The following CFAP99 variants were observed in gnomAD, a reference collection of about 807,000 sequenced individuals.
CFAP99 encodes the protein cilia- and flagella-associated protein 99.
Under a neutral mutation model 82.7 loss-of-function variants are expected in CFAP99, and 84 were observed. The observed-to-expected ratio is 1.02, with a 90% confidence interval of 0.85 to 1.22. CFAP99 has a LOEUF of 1.22. Ranked by LOEUF, CFAP99 falls within the 50% of genes most tolerant of loss-of-function variation. The pLI is 0.00. For missense variants in CFAP99, 1,059 were observed against 983.5 expected, an observed-to-expected ratio of 1.08 and a Z score of -1.03; for synonymous variants, 456 against 429.5, an observed-to-expected ratio of 1.06 and a Z score of -0.76.
rs1734171721 is a variant in CFAP99 at position 2,446,598 on chromosome 4, G to A, written c.642+1290G>A. ...AGTAGAGGTAGGGTTTTGTCATGTT[G>A]GCCGGGCTGGTCCCTAACTGACCTC... is the stretch of plus-strand genomic sequence containing the variant. On this transcript the variant is annotated intron_variant, in intron 6 of 14. Coordinates refer to ENST00000635017, the Ensembl canonical transcript of CFAP99. The surrounding 1 kb of genome is among the most constrained non-coding windows in gnomAD (Gnocchi z 5.0). Among the ~76,000 whole-genome samples, 1 of 152,004 alleles carries A rather than the reference G, an allele frequency of 6.6e-6. No individual in the cohort carries two copies. Among genetic ancestry groups the A allele is most frequent in the Non-Finnish European group, 1.5e-5 (1 of 67,996 alleles).
chr4:2,441,660 A>G (rs1734043958), intron 4 of CFAP99, among the ~76,000 whole-genome samples: 1 of 152,220 alleles, frequency 6.6e-6, no homozygotes, highest in African/African-American at 2.4e-5. Context: ...TAAATCCCCA[A>G]GGGAACTGCC....
In CFAP99 at chr4:2,462,429, G is replaced by C. The variant is rs1476737225; in HGVS notation, c.1662-14G>C. 1 of 1,420,560 alleles carries C rather than the reference G, an allele frequency of 7.0e-7. No homozygotes were observed. The highest frequency in any genetic ancestry group is 3.0e-5 in the East Asian group (1 of 33,268). The allele number at this position is 1,420,560 out of a possible 1,614,324, so 88.0% of individuals were successfully genotyped here. On this transcript the variant is annotated splice_polypyrimidine_tract_variant and intron_variant, in intron 14 of 14. Coordinates refer to ENST00000635017, the Ensembl canonical transcript of CFAP99. The surrounding 1 kb of genome is among the most constrained non-coding windows in gnomAD (Gnocchi z 4.1). ...CCGCCGGCCTGCTCCTGAGCCCGCCGCGTCGCCCGCCAGGTGGGAGGAAAA... is the reference window on the plus strand; with the variant it reads ...CCGCCGGCCTGCTCCTGAGCCCGCCCCGTCGCCCGCCAGGTGGGAGGAAAA...
At chr4:2,455,822 G>C (rs1018744268) in intron 11 of CFAP99, among the ~76,000 whole-genome samples, 2 of 152,168 alleles carry the variant, frequency 1.3e-5, no homozygotes, top group African/African-American at 4.8e-5. Context: ...AACTAGATTA[G>C]GTGGCACTAA....
At chr4:2,452,027 C>T (rs1734313841) in intron 10 of CFAP99, 115 bp from the exon 11 acceptor site, 2 of 1,052,512 alleles carry the variant, frequency 1.9e-6, no homozygotes, top group Admixed American at 4.1e-5. Flanking sequence ...AGCTGGGTGT[C>T]AGGAGTAGCA....
chr4:2,459,007 G>A, intron 12 of CFAP99, 100 bp from the exon 13 acceptor site: 1 of 1,446,924 alleles, frequency 6.9e-7, no homozygotes, highest in Non-Finnish European at 9.1e-7. Context: ...GCCGCACTGA[G>A]GCCAGAGTCC....
At chr4:2,447,308 G>A (rs1188056847) in intron 6 of CFAP99, among the ~76,000 whole-genome samples, 1 of 151,482 alleles carries the variant, frequency 6.6e-6, no homozygotes. Context: ...GTGAATGAAT[G>A]GATGGATGGA....
At chr4:2,461,978 T>TA (rs142450325) in intron 14 of CFAP99, among the ~76,000 whole-genome samples, 12,578 of 151,322 alleles carry the variant, frequency 0.083, 1,036 homozygotes, top group African/African-American at 0.21. Context: ...AATACTTTTT[T>TA]AAAAAAATGT....
At chr4:2,437,098 G>T in intron 3 of CFAP99, 80 bp downstream of exon 3, 1 of 1,495,526 alleles carries the variant, frequency 6.7e-7, no homozygotes, top group Non-Finnish European at 9.0e-7. Flanking sequence ...TGGCAGGCAG[G>T]CAGCGGGCAG....
rs1042919279 is a variant in CFAP99 at position 2,458,735 on chromosome 4, A to T, written c.1174A>T (p.Met392Leu). ...GCTGTCTGGGCAGATGGCCAAGCTG[A>T]TGCTGCAGCGTGCAGAGAGACGGCT... is the stretch of plus-strand genomic sequence containing the variant. Residue 392 changes from methionine (M) to leucine (L), a missense_variant, in exon 12 of 15, where the codon ATG becomes TTG. Met to Leu is a conservative substitution (Grantham distance 15). Coordinates refer to ENST00000635017, the Ensembl canonical transcript of CFAP99. The T allele has an allele frequency of 2.6e-6, 4 of 1,534,562 alleles. No homozygotes were observed. In the African/African-American group the frequency reaches 4.1e-5, roughly 16 times the overall value.
chr4:2,426,957 G>A (rs1578463144), intron 2 of CFAP99: 1 of 262,772 alleles, frequency 3.8e-6, no homozygotes, highest in African/African-American at 2.2e-5. Flanking sequence ...CCCCAGGGCT[G>A]TGGCAGTGAG....
chr4:2,436,514 G>C (rs1388326280), intron 2 of CFAP99, among the ~76,000 whole-genome samples: 2 of 152,194 alleles, frequency 1.3e-5, no homozygotes, highest in Non-Finnish European at 2.9e-5. Context: ...CTGAAGCTCT[G>C]TCTGCATTAG....
intron 2 of CFAP99, chr4:2,429,226 G>A (rs1733749124): frequency 6.6e-6 from 1 of 152,256 alleles, no homozygotes. Flanking sequence ...GGCAGGGAAA[G>A]GGGTGTGTGT....
intron 4 of CFAP99, among the ~76,000 whole-genome samples, chr4:2,438,411 CG>C (rs1195043560): frequency 1.3e-5 from 2 of 152,170 alleles, no homozygotes; most frequent in East Asian, 3.9e-4. Context: ...TACAGGCGCC[CG>C]CCACCACACC....
Position 2,462,319 on chromosome 4 carries a change from A to G in CFAP99, c.1662-124A>G. 1 of 993,776 alleles carries G rather than the reference A, an allele frequency of 1.0e-6. No homozygotes were observed. The highest frequency in any genetic ancestry group is 1.4e-6 in the Non-Finnish European group (1 of 734,444). The allele number at this position is 993,776 out of a possible 1,614,324, so 61.6% of individuals were successfully genotyped here. A position where few individuals can be genotyped will look rare whatever the true frequency, so the allele number is the denominator to read the frequency against. ...TGGGCCTCGCTGTCTGTCCTAAATC[A>G]TTCCGGTGAACCTCTCCGGCTGCGT... is the stretch of plus-strand genomic sequence containing the variant. On this transcript the variant is annotated intron_variant, in intron 14 of 14. Coordinates refer to ENST00000635017, the Ensembl canonical transcript of CFAP99. This position sits in a 1 kb window ranked among gnomAD's most constrained non-coding sequence, Gnocchi z 4.1.
intron 10 of CFAP99, 65 bp downstream of exon 10, chr4:2,451,417 G>A (rs1282927623): frequency 3.4e-6 from 5 of 1,480,698 alleles, no homozygotes; most frequent in African/African-American, 1.4e-5. Context: ...AAGGCTCAGA[G>A]GAGGGGCCTG....
intron 2 of CFAP99, chr4:2,429,382 C>T (rs1303814375): frequency 6.6e-6 from 1 of 152,166 alleles, no homozygotes; most frequent in Non-Finnish European, 1.5e-5. Flanking sequence ...GTAGATGAGA[C>T]TAATATGTTA....
At chr4:2,421,357 T>A (rs1017231260) in intron 1 of CFAP99, among the ~76,000 whole-genome samples, 13 of 142,666 alleles carry the variant, frequency 9.1e-5, no homozygotes, top group African/African-American at 3.1e-4. Flanking sequence ...ACCCTTTTTT[T>A]TTTTTTTTTT....
chr4:2,421,549 T>G (rs542348480), intron 1 of CFAP99, among the ~76,000 whole-genome samples: 49 of 152,194 alleles, frequency 3.2e-4, no homozygotes, highest in Admixed American at 7.9e-4. Context: ...AGATGGGTTT[T>G]CACCATGTTG....
At chr4:2,433,167 G>A (rs1733833604) in intron 2 of CFAP99, among the ~76,000 whole-genome samples, 1 of 152,226 alleles carries the variant, frequency 6.6e-6, no homozygotes, top group African/African-American at 2.4e-5. Context: ...GAGTGGCCCT[G>A]CCCAACCCGC....
Sources: gnomAD v4.1 joint callset for allele counts (sites outside exome capture counted in the v4.1 genomes callset) on GRCh38, gnomAD v4.1.1 for gene constraint, Gnocchi (gnomAD v3.1) non-coding constraint, MANE v1.5 for transcripts, NCBI Gene and HGNC (gene_info 2026-07-23, HGNC 2026-07-21) for gene names.